Variants in ARHGEF2 observed in about 807,000 individuals in gnomAD.
The protein encoded by ARHGEF2 is rho guanine nucleotide exchange factor 2.
Under a neutral mutation model 121.0 loss-of-function variants are expected in ARHGEF2, and 22 were observed. The observed-to-expected ratio is 0.18, with a 90% CI of 0.13 to 0.26. The LOEUF (loss-of-function observed/expected upper bound fraction) is 0.26. Among genes scored for constraint, ARHGEF2 ranks in the 10% least tolerant of loss-of-function variants. The pLI is 1.00. For synonymous variants in ARHGEF2, 487 were observed against 530.0 expected, an observed-to-expected ratio of 0.92 and a Z score of 1.11; for missense variants, 907 against 1,336.0, an observed-to-expected ratio of 0.68 and a Z score of 5.01.
At position 155,951,443 on chromosome 1, in the gene ARHGEF2, G is replaced by A; in HGVS notation, c.2259+40C>T. On this transcript the variant is annotated intron_variant, in intron 19 of 21. Transcript: ENST00000361247. The surrounding 1 kb of genome is among the most constrained non-coding windows in gnomAD (Gnocchi z 5.1). ...CCACCTAAACAGGCATCTCTAGCCT[G>A]GCTCCTCCCCTTCCCCATTCAAGCC... 6.2e-7 allele frequency: 1 copy of A among 1,612,482 alleles called. No homozygotes were observed. The highest frequency in any genetic ancestry group is 1.3e-5 in the African/African-American group (1 of 75,004).
At chr1:155,969,962 T>G in intron 1 of ARHGEF2, 8 of 985,406 alleles carry the variant, frequency 8.1e-6, no homozygotes, top group Non-Finnish European at 9.6e-6. Flanking sequence ...GCATGTCCCC[T>G]ACTAACCTTG....
intron 21 of ARHGEF2, among the ~76,000 whole-genome samples, chr1:155,949,264 TAAATAAAATAAAATA>T (rs558077837): frequency 1.9e-4 from 28 of 145,950 alleles, no homozygotes; most frequent in African/African-American, 6.6e-4. Flanking sequence ...AATAAATAAA[TAAATAAAATAAAATA>T]AAATAAAATA....
chr1:155,964,213 TATA>T (rs1678859334), intron 7 of ARHGEF2, among the ~76,000 whole-genome samples: 4 of 134,932 alleles, frequency 3.0e-5, no homozygotes, highest in East Asian at 2.3e-4. Flanking sequence ...TATATATATA[TATA>T]TTTTTTTTTT....
chr1:155,966,506 T>C, intron 3 of ARHGEF2, 27 bp from the exon 4 acceptor site: 1 of 1,613,422 alleles, frequency 6.2e-7, no homozygotes. Context: ...AGGAGAGAGA[T>C]ACCAAGAATG....
Position 155,958,305 on chromosome 1 carries a change from G to A in ARHGEF2, c.1545+15C>T, listed in dbSNP as rs775991803. The A allele has an allele frequency of 3.1e-6, 5 of 1,604,768 alleles. No individual in the cohort carries two copies. The East Asian group carries it at 8.9e-5, about 29-fold the overall frequency. On this transcript the variant is annotated intron_variant, in intron 12 of 21. Coordinates refer to ENST00000361247, the MANE Select transcript of ARHGEF2 (RefSeq NM_001162383.2). ...ACTTGTCTGTGCTGAGAAAGGTGAA[G>A]AATGAATGTCTCACCAGGGTAGGAA...
chr1:155,979,080 G>A, upstream of ARHGEF2: 1 of 985,750 alleles, frequency 1.0e-6, no homozygotes, highest in Non-Finnish European at 1.2e-6. Flanking sequence ...GGAAATCAAA[G>A]GAGAACTAAA....
chr1:155,950,881 C>T lies in ARHGEF2; in HGVS notation c.2651G>A (p.Arg884Gln). The T allele has an allele frequency of 2.6e-6, 4 of 1,557,460 alleles. No homozygotes were observed. Among genetic ancestry groups the T allele is most frequent in the East Asian group, 4.5e-5 (2 of 44,262 alleles). ...PWARRPVDPRRRSLPAGDALY... is the reference protein window; with the variant it reads ...PWARRPVDPRQRSLPAGDALY... Reference sequence around the variant, plus strand: ...GGCATCGCCTGCGGGGAGGCTGCGCCGCCGAGGATCCACAGGTCTGCGGGC... The same window carrying T: ...GGCATCGCCTGCGGGGAGGCTGCGCTGCCGAGGATCCACAGGTCTGCGGGC... Residue 884 changes from arginine to glutamine, a missense_variant, in exon 20 of 22, where the codon CGG becomes CAG. Coordinates refer to ENST00000361247, the MANE Select transcript of ARHGEF2 (RefSeq NM_001162383.2). This position sits in a 1 kb window ranked among gnomAD's most constrained non-coding sequence, Gnocchi z 5.2.
Position 155,950,184 on chromosome 1 carries a change from C to T in ARHGEF2, c.2887+115G>A. On this transcript the variant is annotated intron_variant, in intron 21 of 21. Transcript: ENST00000361247. The surrounding 1 kb of genome is among the most constrained non-coding windows in gnomAD (Gnocchi z 5.2). ...CATCAGACAAAACAGGAAGTCCCTC[C>T]CTAGAGTTACTACAAGCCTCACAGG... 1 of 1,307,378 alleles carries T rather than the reference C, an allele frequency of 7.6e-7. No individual in the cohort carries two copies. The highest frequency in any genetic ancestry group is 1.5e-5 in the African/African-American group (1 of 68,526). The allele number at this position is 1,307,378 out of a possible 1,614,324, so 81.0% of individuals were successfully genotyped here. A position where few individuals can be genotyped will look rare whatever the true frequency, so the allele number is the denominator to read the frequency against.
Position 155,962,783 on chromosome 1 carries a change from C to A in ARHGEF2, c.976-65G>T. 1.2e-6 allele frequency: 2 copies of A among 1,603,112 alleles called. No individual in the cohort carries two copies. Among genetic ancestry groups the A allele is most frequent in the Admixed American group, 1.7e-5 (1 of 59,212 alleles). On this transcript the variant is annotated intron_variant, in intron 8 of 21. Coordinates refer to ENST00000361247, the MANE Select transcript of ARHGEF2 (RefSeq NM_001162383.2). The surrounding 1 kb of genome is among the most constrained non-coding windows in gnomAD (Gnocchi z 5.8). ...AAAGCCACACTTTACCCACTGGACA[C>A]ACCTCTGGCCTCCTGCCAAACAGGC...
In ARHGEF2 at chr1:155,963,300, T is replaced by G. The variant is rs1246829242; in HGVS notation, c.725-117A>C. On this transcript the variant is annotated intron_variant, in intron 7 of 21. Coordinates refer to ENST00000361247, the MANE Select transcript of ARHGEF2 (RefSeq NM_001162383.2). ...TTTCAAGGTCCATTCCAGGTTAATA[T>G]TCTGCATTATTATGATCTTAGATAC... 27 of 940,406 alleles carry G rather than the reference T, an allele frequency of 2.9e-5. No individual in the cohort carries two copies. In the South Asian group the frequency reaches 3.9e-4, roughly 14 times the overall value. The allele number at this position is 940,406 out of a possible 1,614,324, so 58.3% of individuals were successfully genotyped here. A position where few individuals can be genotyped will look rare whatever the true frequency, so the allele number is the denominator to read the frequency against.
chr1:155,957,296 C>G (rs894681099), intron 13 of ARHGEF2, among the ~76,000 whole-genome samples: 2 of 152,166 alleles, frequency 1.3e-5, no homozygotes, highest in African/African-American at 2.4e-5. Flanking sequence ...GAGACTTGTT[C>G]CTCTCTAGTA....
chr1:155,976,628 C>A (rs1253364696), intron 1 of ARHGEF2, among the ~76,000 whole-genome samples: 1 of 133,970 alleles, frequency 7.5e-6, no homozygotes, highest in Non-Finnish European at 1.6e-5. Context: ...TCTCTATACC[C>A]CCTAGCCAGG....
At chr1:155,973,120 C>G (rs1159800467) in intron 1 of ARHGEF2, among the ~76,000 whole-genome samples, 1 of 152,030 alleles carries the variant, frequency 6.6e-6, no homozygotes. Flanking sequence ...GCCCTTAGCA[C>G]AATACCTGGT....
At chr1:155,954,140 T>TTA (rs397742002) in intron 14 of ARHGEF2, among the ~76,000 whole-genome samples, 6 of 151,172 alleles carry the variant, frequency 4.0e-5, no homozygotes, top group Non-Finnish European at 3.0e-5. Context: ...TTTTTTTTTT[T>TTA]AATTTTTTGT....
In ARHGEF2 at chr1:155,951,751, G is replaced by T; in HGVS notation, c.2198C>A (p.Ser733Ter). ...QRDRNGNQLRSPQEEALQRLV... is the reference protein window; with the variant it reads ...QRDRNGNQLR ...CAATTCCCATCTCACCTCTTGCGGTGATCTCAGCTGATTTCCATTTCGATC... is the reference window on the plus strand; with the variant it reads ...CAATTCCCATCTCACCTCTTGCGGTTATCTCAGCTGATTTCCATTTCGATC... Residue 733 changes from serine (S) to a stop codon, truncating the protein, a stop_gained, in exon 18 of 22, where the codon TCA (serine) becomes TAA (stop). Coordinates refer to ENST00000361247, the MANE Select transcript of ARHGEF2 (RefSeq NM_001162383.2). LOFTEE classifies it high-confidence loss of function. This position sits in a 1 kb window ranked among gnomAD's most constrained non-coding sequence, Gnocchi z 5.1. 1 of 1,614,018 alleles carries T rather than the reference G, an allele frequency of 6.2e-7. No individual in the cohort carries two copies. The highest frequency in any genetic ancestry group is 8.5e-7 in the Non-Finnish European group (1 of 1,180,024).
intron 13 of ARHGEF2, among the ~76,000 whole-genome samples, chr1:155,955,899 A>T (rs1385655853): frequency 6.6e-6 from 1 of 151,838 alleles, no homozygotes; most frequent in African/African-American, 2.4e-5. Flanking sequence ...TATTTTTAGT[A>T]GAGACAGGGT....
chr1:155,969,131 G>A (rs1333766525), intron 2 of ARHGEF2, 25 bp downstream of exon 2: 6 of 1,612,946 alleles, frequency 3.7e-6, no homozygotes, highest in Non-Finnish European at 5.1e-6. Flanking sequence ...GAGTCTGGGT[G>A]ACTCTCAGGG....
chr1:155,961,953 C>T lies in ARHGEF2; in HGVS notation c.1220-44G>A, dbSNP rs377140368. 3 of 1,611,466 alleles carry T rather than the reference C, an allele frequency of 1.9e-6. No homozygotes were observed. The highest frequency in any genetic ancestry group is 2.5e-6 in the Non-Finnish European group (3 of 1,178,248). On this transcript the variant is annotated intron_variant, in intron 10 of 21. Coordinates refer to ENST00000361247, the MANE Select transcript of ARHGEF2 (RefSeq NM_001162383.2). This position sits in a 1 kb window ranked among gnomAD's most constrained non-coding sequence, Gnocchi z 4.7. Reference sequence around the variant, plus strand: ...ATGGGGAACGGCTCAACCAGTTTCACTCACACCCCAGTTCCCATCGTGTCT... The same window carrying T: ...ATGGGGAACGGCTCAACCAGTTTCATTCACACCCCAGTTCCCATCGTGTCT...
chr1:155,955,031 G>C, intron 13 of ARHGEF2, 62 bp from the exon 14 acceptor site: 1 of 1,404,462 alleles, frequency 7.1e-7, no homozygotes, highest in Non-Finnish European at 1.0e-6. Flanking sequence ...ACCAGAATCA[G>C]CCTTCCCTCC....
Sources: allele counts gnomAD v4.1 joint callset (sites outside exome capture counted in the v4.1 genomes callset), GRCh38; gene constraint gnomAD v4.1.1; non-coding constraint Gnocchi (gnomAD v3.1); transcripts MANE v1.5; gene names NCBI Gene and HGNC (gene_info 2026-07-23, HGNC 2026-07-21).